Variants in URGCP observed in about 807,000 individuals in gnomAD.
URGCP encodes upregulator of cell proliferation.
Under a neutral mutation model 24.6 loss-of-function variants are expected in URGCP, and 13 were observed. That is an observed-to-expected ratio of 0.53 (90% confidence interval 0.34 to 0.84). URGCP has a LOEUF of 0.84. URGCP is among the 40% of genes least tolerant of loss of function. The pLI is 0.01. For synonymous variants in URGCP, 444 were observed against 487.2 expected (o/e 0.91, Z 1.17); for missense variants, 899 against 1,194.3 (o/e 0.75, Z 3.64).
chr7:43,915,508 C>T (rs2095914532), intron 1 of URGCP, among the ~76,000 whole-genome samples: 1 of 152,112 alleles, frequency 6.6e-6, no homozygotes, highest in African/African-American at 2.4e-5. Flanking sequence ...TGGGGGTATT[C>T]CACCCCCACC....
upstream of URGCP, chr7:43,926,645 G>A (rs1003433692): frequency 7.3e-7 from 1 of 1,372,790 alleles, no homozygotes; most frequent in Non-Finnish European, 9.7e-7. Flanking sequence ...AAAGGTGACG[G>A]AGGCTCCGCG....
chr7:43,917,286 G>A (rs1234454303), intron 1 of URGCP, among the ~76,000 whole-genome samples: 1 of 152,188 alleles, frequency 6.6e-6, no homozygotes, highest in Non-Finnish European at 1.5e-5. Context: ...GATTTGTGAG[G>A]TTGGTCTTAA....
chr7:43,892,275 G>A (rs2095872050), intron 1 of URGCP, among the ~76,000 whole-genome samples: 1 of 145,958 alleles, frequency 6.9e-6, no homozygotes, highest in Non-Finnish European at 1.5e-5. Context: ...CTAGGCTGGA[G>A]TGCAGTGGTG....
intron 1 of URGCP, among the ~76,000 whole-genome samples, chr7:43,899,679 A>T (rs1204786908): frequency 6.6e-6 from 1 of 152,254 alleles, no homozygotes; most frequent in Non-Finnish European, 1.5e-5. Flanking sequence ...CAAAAATTTC[A>T]TCACTGATCT....
rs759217979 is a variant in URGCP at position 43,877,471 on chromosome 7, A to G, written c.1992T>C (p.Asp664=). The change falls in exon 6 of 6, where the codon GAT becomes GAC. Residue 664 remains aspartate, a synonymous_variant. Coordinates refer to ENST00000453200, the MANE Select transcript of URGCP (RefSeq NM_001077663.3). Reference sequence around the variant, plus strand: ...GGACGGGCATGCTCAGCGTGCTCCCATCGATTAGCTCCAGAGGCAGCCCTG... The same window carrying G: ...GGACGGGCATGCTCAGCGTGCTCCCGTCGATTAGCTCCAGAGGCAGCCCTG... ...LLTGLPLELI[D]GSTLSMPVRW... is the part of the protein sequence containing the mutation. 2.9e-5 allele frequency: 46 copies of G among 1,613,528 alleles called. No homozygotes were observed. The highest frequency in any genetic ancestry group is 3.3e-5 in the Non-Finnish European group (39 of 1,180,028).
upstream of URGCP, among the ~76,000 whole-genome samples, chr7:43,911,562 C>T (rs781493751): frequency 9.2e-5 from 14 of 151,796 alleles, no homozygotes; most frequent in East Asian, 1.9e-4. Context: ...CCAGGCGTGG[C>T]GGTGGATGTC....
intron 1 of URGCP, among the ~76,000 whole-genome samples, chr7:43,891,388 G>C (rs1562579342): frequency 6.6e-6 from 1 of 152,152 alleles, no homozygotes; most frequent in Non-Finnish European, 1.5e-5. Context: ...CCTAATTAGG[G>C]AAAAGGAGTC....
chr7:43,892,012 C>T lies in URGCP; in HGVS notation c.15-4196G>A, dbSNP rs147197204. On this transcript the variant is annotated intron_variant, in intron 1 of 5. Transcript: ENST00000453200. Reference sequence around the variant, plus strand: ...GGCCAGGCTGGTCTCAAACTCCTGACCTCATGATCAGGCCTGCCTTGGCCT... The same window carrying T: ...GGCCAGGCTGGTCTCAAACTCCTGATCTCATGATCAGGCCTGCCTTGGCCT... Among the ~76,000 whole-genome samples, 127 of 152,230 alleles carry T rather than the reference C, an allele frequency of 8.3e-4. 1 individual carries two copies. The East Asian group carries it at 0.02, about 24-fold the overall frequency.
chr7:43,889,227 T>A (rs2095866653), intron 1 of URGCP: 1 of 152,194 alleles, frequency 6.6e-6, no homozygotes, highest in African/African-American at 2.4e-5. Context: ...CTCATGCCTG[T>A]AATTCCAGCA....
chr7:43,900,815 A>G (rs1257959708), intron 1 of URGCP, among the ~76,000 whole-genome samples: 1 of 152,340 alleles, frequency 6.6e-6, no homozygotes, highest in Admixed American at 6.5e-5. Context: ...TTGTTAAGCC[A>G]TAATTGAAGG....
At chr7:43,901,578 A>G (rs1456121901) in intron 1 of URGCP, among the ~76,000 whole-genome samples, 1 of 152,214 alleles carries the variant, frequency 6.6e-6, no homozygotes, top group African/African-American at 2.4e-5. Context: ...TGAGCAAGAT[A>G]AGGGTCCTGC....
intron 1 of URGCP, among the ~76,000 whole-genome samples, chr7:43,914,819 A>G (rs2095913784): frequency 6.6e-6 from 1 of 152,158 alleles, no homozygotes; most frequent in African/African-American, 2.4e-5. Flanking sequence ...TAGGTTTTCT[A>G]TCTCTTTACT....
chr7:43,906,886 C>T (rs1315060946), upstream of URGCP: 1 of 213,660 alleles, frequency 4.7e-6, no homozygotes, highest in Non-Finnish European at 9.3e-6. Flanking sequence ...TAACCTGCCC[C>T]AGGGCCTTAC....
At chr7:43,908,904 G>A (rs1435982372), upstream of URGCP, among the ~76,000 whole-genome samples, 2 of 152,184 alleles carry the variant, frequency 1.3e-5, no homozygotes, top group East Asian at 1.9e-4. Flanking sequence ...AGAGGGCAAG[G>A]AGAAACTTTC....
chr7:43,900,164 A>G (rs1251561497), intron 1 of URGCP, among the ~76,000 whole-genome samples: 1 of 151,656 alleles, frequency 6.6e-6, no homozygotes, highest in Non-Finnish European at 1.5e-5. Context: ...GAAAGAAAAA[A>G]AAAAGTCAGC....
chr7:43,926,449 T>G, upstream of URGCP: 1 of 1,252,774 alleles, frequency 8.0e-7, no homozygotes, highest in Admixed American at 3.9e-5. Context: ...GCTCCCGGCG[T>G]GCAGCTTGGT....
chr7:43,901,944 C>T (rs760800140), intron 1 of URGCP, among the ~76,000 whole-genome samples: 3 of 152,080 alleles, frequency 2.0e-5, no homozygotes, highest in South Asian at 2.1e-4. Flanking sequence ...TCCCAGGAGC[C>T]GAGATGTTCC....
chr7:43,919,322 C>T (rs2132730489), intron 1 of URGCP: 2 of 831,832 alleles, frequency 2.4e-6, no homozygotes, highest in East Asian at 4.8e-5. Flanking sequence ...ACAACACAGC[C>T]CTGAACCAGA....
intron 4 of URGCP, 95 bp from the exon 5 acceptor site, chr7:43,881,792 T>C: frequency 1.2e-6 from 2 of 1,608,272 alleles, no homozygotes; most frequent in Non-Finnish European, 1.7e-6. Context: ...CCCTTCTTTC[T>C]CACCAAGATG....
Sources: gnomAD v4.1 joint callset for allele counts (sites outside exome capture counted in the v4.1 genomes callset) on GRCh38, gnomAD v4.1.1 for gene constraint, MANE v1.5 for transcripts, NCBI Gene and HGNC (gene_info 2026-07-23, HGNC 2026-07-21) for gene names.